Variants in C5orf24 observed in about 807,000 individuals in gnomAD.
The protein encoded by C5orf24 is UPF0461 protein C5orf24.
A neutral mutation model predicts 9.8 loss-of-function variants in C5orf24; 4 were observed. The observed-to-expected ratio is 0.41, with a 90% CI of 0.20 to 0.93. The LOEUF is 0.93. Ranked by LOEUF, C5orf24 falls within the 40% of genes least tolerant of loss-of-function variation. The pLI is 0.33. For synonymous variants in C5orf24, 73 were observed against 81.3 expected (o/e 0.90, Z 0.55); for missense variants, 170 against 236.9 (o/e 0.72, Z 1.85).
chr5:134,837,875 C>T, the C5orf24 span, among the ~76,000 whole-genome samples: 3 of 152,088 alleles, frequency 2.0e-5, no homozygotes, highest in Non-Finnish European at 2.9e-5. Flanking sequence ...ATATATTTAG[C>T]AGGGACAGTC....
the C5orf24 span, among the ~76,000 whole-genome samples, chr5:134,840,329 A>C: frequency 6.7e-6 from 1 of 149,370 alleles, no homozygotes; most frequent in East Asian, 2.0e-4. Context: ...AAAAAAAAAG[A>C]ACAGGGAAGT....
At chr5:134,834,278 C>G in the C5orf24 span, among the ~76,000 whole-genome samples, 1 of 152,156 alleles carries the variant, frequency 6.6e-6, no homozygotes, top group South Asian at 2.1e-4. Context: ...GGATTTTTAG[C>G]AGCCTGGCAA....
upstream of C5orf24, among the ~76,000 whole-genome samples, chr5:134,843,139 G>T (rs1458885118): frequency 6.6e-6 from 1 of 151,772 alleles, no homozygotes; most frequent in African/African-American, 2.4e-5. Context: ...ATCACACCTG[G>T]CTGATTTTTC....
In C5orf24 at chr5:134,856,369, C is replaced by A; in HGVS notation, c.*902C>A. On this transcript the variant is annotated 3_prime_UTR_variant, in exon 2 of 2. Coordinates refer to ENST00000394976, the MANE Select transcript of C5orf24 (RefSeq NM_001135586.1). The stretch of plus-strand genomic sequence containing the variant: ...TATTATGTTTAAAAACATTTATTGG[C>A]TGGGTGTGGTGGCTCACACCCAGCA... 1.0e-6 allele frequency: 1 copy of A among 979,056 alleles called. No individual in the cohort carries two copies. The highest frequency in any genetic ancestry group is 1.2e-6 in the Non-Finnish European group (1 of 811,010). The allele number at this position is 979,056 out of a possible 1,614,324, so 60.6% of individuals were successfully genotyped here.
chr5:134,842,424 A>C (rs931060443), upstream of C5orf24, among the ~76,000 whole-genome samples: 5 of 150,828 alleles, frequency 3.3e-5, no homozygotes, highest in African/African-American at 1.2e-4. Flanking sequence ...CGGGAAGTGG[A>C]GGTTGCAGTG....
the C5orf24 span, among the ~76,000 whole-genome samples, chr5:134,839,839 C>T: frequency 6.6e-6 from 1 of 152,074 alleles, no homozygotes; most frequent in East Asian, 1.9e-4. Flanking sequence ...AGGTGCGTGC[C>T]ACCATGCCTG....
chr5:134,857,099 T>A lies in C5orf24; in HGVS notation c.*1632T>A. The A allele has an allele frequency of 8.3e-7, 1 of 1,199,146 alleles. No individual in the cohort carries two copies. Among genetic ancestry groups the A allele is most frequent in the Non-Finnish European group, 1.0e-6 (1 of 953,118 alleles). 74.3% of individuals were successfully genotyped at this position (1,199,146 alleles called of 1,614,324 possible). A position where few individuals can be genotyped will look rare whatever the true frequency, so the allele number is the denominator to read the frequency against. On this transcript the variant is annotated 3_prime_UTR_variant, in exon 2 of 2. Transcript: ENST00000394976. ...CCTTTCTGAAAGTAATACTTCTTGT[T>A]ACACATTTTATTTATTGAGTTTGTT...
intron 1 of C5orf24, 96 bp downstream of exon 1, chr5:134,846,308 G>C (rs1313162026): frequency 6.6e-6 from 1 of 152,362 alleles, no homozygotes; most frequent in South Asian, 2.1e-4. Flanking sequence ...GAGGCCTCCT[G>C]CCAAGGGGCC....
At chr5:134,846,505 G>C (rs908988102) in intron 1 of C5orf24, 1 of 152,236 alleles carries the variant, frequency 6.6e-6, no homozygotes, top group African/African-American at 2.4e-5. Context: ...GATCGGCGTC[G>C]CGATGGAGTG....
At chr5:134,838,800 C>G in the C5orf24 span, among the ~76,000 whole-genome samples, 1 of 151,632 alleles carries the variant, frequency 6.6e-6, no homozygotes, top group African/African-American at 2.4e-5. Flanking sequence ...AAAAAATTGT[C>G]TAAGTATGGT....
At chr5:134,842,682 TCTC>T (rs1755917471), upstream of C5orf24, among the ~76,000 whole-genome samples, 1 of 152,078 alleles carries the variant, frequency 6.6e-6, no homozygotes, top group African/African-American at 2.4e-5. Context: ...GGTGGCTAGA[TCTC>T]CTTCTAAAGA....
In C5orf24 at chr5:134,857,957, C is replaced by T. The variant is rs552844778; in HGVS notation, c.*2490C>T. 1.2e-5 allele frequency: 2 copies of T among 167,146 alleles called. No individual in the cohort carries two copies. The highest frequency in any genetic ancestry group is 2.1e-4 in the South Asian group (1 of 4,824). 10.4% of individuals were successfully genotyped at this position (167,146 alleles called of 1,614,324 possible). A position where few individuals can be genotyped will look rare whatever the true frequency, so the allele number is the denominator to read the frequency against. Reference sequence around the variant, plus strand: ...GCCTTTCGTACATTCATTCCTCTTCCTCTACCCTCCAGCACATCTACTTAC... The same window carrying T: ...GCCTTTCGTACATTCATTCCTCTTCTTCTACCCTCCAGCACATCTACTTAC... On this transcript the variant is annotated 3_prime_UTR_variant, in exon 2 of 2. Coordinates refer to ENST00000394976, the MANE Select transcript of C5orf24 (RefSeq NM_001135586.1).
In C5orf24 at chr5:134,856,196, A is replaced by G. The variant is rs962345318; in HGVS notation, c.*729A>G. On this transcript the variant is annotated 3_prime_UTR_variant, in exon 2 of 2. Coordinates refer to ENST00000394976, the MANE Select transcript of C5orf24 (RefSeq NM_001135586.1). ...TTCATATTTACAGAAAATTTAAACT[A>G]TTTTATAAAAACTGCACATTACATT... 1.3e-5 allele frequency: 13 copies of G among 995,118 alleles called. No homozygotes were observed. The highest frequency in any genetic ancestry group is 3.5e-5 in the African/African-American group (2 of 57,128). 61.6% of individuals were successfully genotyped at this position (995,118 alleles called of 1,614,324 possible).
upstream of C5orf24, among the ~76,000 whole-genome samples, chr5:134,844,405 C>G (rs904465014): frequency 6.6e-6 from 1 of 152,132 alleles, no homozygotes; most frequent in Non-Finnish European, 1.5e-5. Context: ...GTGGCACAAA[C>G]ACAGCTTAAG....
chr5:134,851,689 G>C (rs1756164167), intron 1 of C5orf24, among the ~76,000 whole-genome samples: 1 of 152,090 alleles, frequency 6.6e-6, no homozygotes, highest in African/African-American at 2.4e-5. Flanking sequence ...AGTCATATTT[G>C]GCTAACCATT....
chr5:134,842,115 A>G (rs1276247417), upstream of C5orf24, among the ~76,000 whole-genome samples: 1 of 152,330 alleles, frequency 6.6e-6, no homozygotes, highest in East Asian at 1.9e-4. Context: ...TATTTCTCTC[A>G]TAGTGACTAT....
the C5orf24 span, among the ~76,000 whole-genome samples, chr5:134,838,494 G>A: frequency 3.3e-5 from 5 of 151,884 alleles, no homozygotes; most frequent in African/African-American, 7.3e-5. Context: ...ATGATGAAAC[G>A]CCGTCTCTAC....
chr5:134,840,698 A>AT (rs561246916), upstream of C5orf24, among the ~76,000 whole-genome samples: 119 of 143,740 alleles, frequency 8.3e-4, no homozygotes, highest in South Asian at 4.2e-3. Context: ...CATGCCTGGC[A>AT]TTTTTTTTTT....
chr5:134,840,361 T>A, the C5orf24 span, among the ~76,000 whole-genome samples: 8 of 148,982 alleles, frequency 5.4e-5, no homozygotes, highest in East Asian at 4.0e-4. Context: ...AGCAGCACCC[T>A]ATTTATTTAT....
Sources: gnomAD v4.1 joint callset for allele counts (sites outside exome capture counted in the v4.1 genomes callset) on GRCh38, gnomAD v4.1.1 for gene constraint, MANE v1.5 for transcripts, NCBI Gene and HGNC (gene_info 2026-07-23, HGNC 2026-07-21) for gene names.